EFCAB6: variants seen among roughly 807,000 people sequenced by gnomAD.
The protein encoded by EFCAB6 is EF-hand calcium binding domain 6.
Under a neutral mutation model 169.8 loss-of-function variants are expected in EFCAB6, and 156 were observed. The ratio of observed to expected loss-of-function variants is 0.92; its 90% confidence interval spans 0.81 to 1.05. EFCAB6 has a LOEUF of 1.05. Among genes scored for constraint, EFCAB6 ranks in the 50% least tolerant of loss-of-function variants. EFCAB6 has a pLI of 0.00. For missense variants in EFCAB6, 1,800 were observed against 1,829.1 expected (o/e 0.98, Z 0.29); for synonymous variants, 698 against 676.4 (o/e 1.03, Z -0.50).
chr22:43,574,172 G>T (rs1475979952), intron 26 of EFCAB6, among the ~76,000 whole-genome samples: 1 of 152,090 alleles, frequency 6.6e-6, no homozygotes, highest in East Asian at 1.9e-4. Context: ...ATAAGGGAGT[G>T]GGTGCAATGT....
Position 43,626,580 on chromosome 22 carries a change from T to C in EFCAB6, c.2332A>G (p.Lys778Glu). ...AGGAAGCGCTCAAACTCGTCGTCTTTGAGATTAAGCAGTAGATGCAGGAGC... is the reference window on the plus strand; with the variant it reads ...AGGAAGCGCTCAAACTCGTCGTCTTCGAGATTAAGCAGTAGATGCAGGAGC... Reference protein sequence around the residue: ...RLLLHLLLNLKDDEFERFLGL... With the variant: ...RLLLHLLLNLEDDEFERFLGL... Residue 778 changes from lysine (K) to glutamate (E), a missense_variant, in exon 20 of 32, where the codon AAA becomes GAA. By Grantham distance (56) the Lys-to-Glu change is moderately conservative. Transcript: ENST00000262726. 1.2e-6 allele frequency: 2 copies of C among 1,613,698 alleles called. No individual in the cohort carries two copies. The highest frequency in any genetic ancestry group is 1.7e-6 in the Non-Finnish European group (2 of 1,179,600).
chr22:43,576,768 A>C (rs1241865352), intron 25 of EFCAB6, among the ~76,000 whole-genome samples: 1 of 152,214 alleles, frequency 6.6e-6, no homozygotes, highest in African/African-American at 2.4e-5. Context: ...CCTGGCCCCA[A>C]GCACCCGTAA....
At chr22:43,727,847 C>T (rs900156989) in intron 8 of EFCAB6, among the ~76,000 whole-genome samples, 57 of 151,336 alleles carry the variant, frequency 3.8e-4, no homozygotes, top group Admixed American at 3.2e-3. Context: ...AAGCATGGCT[C>T]GTACATCCTT....
Position 43,537,748 on chromosome 22 carries a change from C to T in EFCAB6, c.3880-203G>A, listed in dbSNP as rs1041869847. On this transcript the variant is annotated intron_variant, in intron 28 of 31. Coordinates refer to ENST00000262726, the MANE Select transcript of EFCAB6 (RefSeq NM_022785.4). This position sits in a 1 kb window ranked among gnomAD's most constrained non-coding sequence, Gnocchi z 4.3. ...GTGGGCTATATGTACTTATGCCAAG[C>T]CATAATAACCAAAATAATTTTGGAA... Among the ~76,000 whole-genome samples the T allele has an allele frequency of 6.6e-6, 1 of 151,984 alleles. No homozygotes were observed. The highest frequency in any genetic ancestry group is 1.5e-5 in the Non-Finnish European group (1 of 68,004).
intron 2 of EFCAB6, chr22:43,802,610 A>G (rs764104580): frequency 2.1e-6 from 1 of 468,676 alleles, no homozygotes; most frequent in South Asian, 1.6e-5. Context: ...TGCTCCTCCA[A>G]AGCCAGAGCC....
intron 2 of EFCAB6, among the ~76,000 whole-genome samples, chr22:43,784,631 A>G (rs112331127): frequency 0.22 from 9,383 of 42,144 alleles, 1,812 homozygotes; most frequent in East Asian, 0.59. Flanking sequence ...ACACATATAT[A>G]TGTATATGTA....
chr22:43,542,189 G>A (rs767223181), intron 27 of EFCAB6, among the ~76,000 whole-genome samples: 1 of 152,232 alleles, frequency 6.6e-6, no homozygotes. Flanking sequence ...GACAGATGCC[G>A]TGAAAATGAA....
chr22:43,735,973 A>T lies in EFCAB6; in HGVS notation c.528T>A (p.Thr176=). 5 of 1,611,942 alleles carry T rather than the reference A, an allele frequency of 3.1e-6. No individual in the cohort carries two copies. The highest frequency in any genetic ancestry group is 4.2e-6 in the Non-Finnish European group (5 of 1,179,496). The change falls in exon 7 of 32, where the codon ACT becomes ACA. Residue 176 remains threonine, a synonymous_variant. Coordinates refer to ENST00000262726, the MANE Select transcript of EFCAB6 (RefSeq NM_022785.4). Reference sequence around the variant, plus strand: ...CAATGAGCTCAAAGGCTTTCATAACAGTCTTAATGTTTTTGAAAACCTATG... The same window carrying T: ...CAATGAGCTCAAAGGCTTTCATAACTGTCTTAATGTTTTTGAAAACCTATG... ...VGEKVFKNIK[T]VMKAFELIDV...
At chr22:43,595,029 C>T (rs918597038) in intron 23 of EFCAB6, among the ~76,000 whole-genome samples, 3 of 151,956 alleles carry the variant, frequency 2.0e-5, no homozygotes, top group African/African-American at 7.2e-5. Flanking sequence ...TGAATGACCA[C>T]TCATCAATGA....
chr22:43,719,265 A>C (rs1024627336), intron 8 of EFCAB6, among the ~76,000 whole-genome samples: 2 of 152,192 alleles, frequency 1.3e-5, no homozygotes, highest in Admixed American at 1.3e-4. Context: ...TAATGCCTGC[A>C]ACCTTCTGAT....
At chr22:43,713,520 C>T (rs1170979929) in intron 9 of EFCAB6, among the ~76,000 whole-genome samples, 1 of 152,118 alleles carries the variant, frequency 6.6e-6, no homozygotes, top group Non-Finnish European at 1.5e-5. Context: ...GGAGTGCTCA[C>T]GTGCTTCTGG....
At chr22:43,717,146 A>T (rs554874201) in intron 8 of EFCAB6, among the ~76,000 whole-genome samples, 174 bp from the exon 9 acceptor site, 1 of 152,326 alleles carries the variant, frequency 6.6e-6, no homozygotes, top group South Asian at 2.1e-4. Context: ...TTTTGGAAAA[A>T]ATAAAAGTAA....
rs140939056 is a variant in EFCAB6 at position 43,530,828 on chromosome 22, G to C, written c.4370C>G (p.Ala1457Gly). 5 of 1,613,770 alleles carry C rather than the reference G, an allele frequency of 3.1e-6. No individual in the cohort carries two copies. Among genetic ancestry groups the C allele is most frequent in the Non-Finnish European group, 4.2e-6 (5 of 1,180,054 alleles). ...AGCTGTGCTCACCGTCCTGAAATCT[G>C]CGACGCTTAGCAGCCCTGTTCCAGC... The part of the protein sequence containing the change: ...DEAGTGLLSV[A>G]DFRTVLRQYS... Residue 1457 changes from alanine to glycine, a missense_variant, in exon 31 of 32, where the codon GCA becomes GGA. Transcript: ENST00000262726.
At chr22:43,615,555 T>C (rs1339963273) in intron 21 of EFCAB6, among the ~76,000 whole-genome samples, 1 of 152,226 alleles carries the variant, frequency 6.6e-6, no homozygotes, top group Non-Finnish European at 1.5e-5. Flanking sequence ...ACCAACCAAA[T>C]AAATTTTTAA....
intron 2 of EFCAB6, among the ~76,000 whole-genome samples, chr22:43,807,902 G>A (rs774719869): frequency 2.6e-5 from 4 of 152,210 alleles, no homozygotes; most frequent in Admixed American, 2.0e-4. Context: ...ATTCTTGGAC[G>A]GTGGAAAAAT....
chr22:43,582,217 ATT>A (rs1477550288), intron 24 of EFCAB6, among the ~76,000 whole-genome samples: 1 of 152,218 alleles, frequency 6.6e-6, no homozygotes. Context: ...TCCATGATTT[ATT>A]CATTGAATGC....
intron 2 of EFCAB6, among the ~76,000 whole-genome samples, chr22:43,794,611 A>G (rs533548993): frequency 2.6e-5 from 4 of 152,368 alleles, no homozygotes; most frequent in Non-Finnish European, 4.4e-5. Context: ...ACAAGAATAG[A>G]TAACTTGAGT....
chr22:43,722,857 A>C (rs1475283982), intron 8 of EFCAB6, among the ~76,000 whole-genome samples: 2 of 152,242 alleles, frequency 1.3e-5, no homozygotes, highest in Non-Finnish European at 2.9e-5. Flanking sequence ...GATATACCAC[A>C]GAATACCACA....
chr22:43,628,760 TG>T lies in EFCAB6; in HGVS notation c.2233-2082del, dbSNP rs1243990918. 6.6e-6 allele frequency among the ~76,000 whole-genome samples: 1 copy of T among 152,158 alleles called. No homozygotes were observed. The highest frequency in any genetic ancestry group is 1.5e-5 in the Non-Finnish European group (1 of 68,012). Reference sequence around the variant, plus strand: ...GGCACTTCCTGACTCCTCTGTACAATGGCACCAGCCCTGACTGGCCTCCCAC... The same window carrying T: ...GGCACTTCCTGACTCCTCTGTACAATGCACCAGCCCTGACTGGCCTCCCAC... On this transcript the variant is annotated intron_variant, in intron 19 of 31. Coordinates refer to ENST00000262726, the MANE Select transcript of EFCAB6 (RefSeq NM_022785.4). The surrounding 1 kb of genome is among the most constrained non-coding windows in gnomAD (Gnocchi z 4.8).
Sources: allele counts gnomAD v4.1 joint callset (sites outside exome capture counted in the v4.1 genomes callset), GRCh38; gene constraint gnomAD v4.1.1; non-coding constraint Gnocchi (gnomAD v3.1); transcripts MANE v1.5; gene names NCBI Gene and HGNC (gene_info 2026-07-23, HGNC 2026-07-21).